The following MYO1G variants were observed in gnomAD, a reference collection of about 807,000 sequenced individuals.
MYO1G encodes the protein unconventional myosin-Ig.
MYO1G carries 65 observed loss-of-function variants against 115.3 expected under a neutral mutation model. The observed-to-expected ratio is 0.56, with a 90% CI of 0.46 to 0.69. MYO1G has a LOEUF of 0.69. Ranked by LOEUF, MYO1G falls within the 30% of genes least tolerant of loss-of-function variation. MYO1G has a pLI of 0.00. For missense variants in MYO1G, 1,204 were observed against 1,393.5 expected, an observed-to-expected ratio of 0.86 and a Z score of 2.16; for synonymous variants, 510 against 552.6, an observed-to-expected ratio of 0.92 and a Z score of 1.08.
Position 44,962,929 on chromosome 7 carries a change from G to C in MYO1G, c.2901-34C>G. 1 of 1,501,854 alleles carries C rather than the reference G, an allele frequency of 6.7e-7. No individual in the cohort carries two copies. Among genetic ancestry groups the C allele is most frequent in the Non-Finnish European group, 8.9e-7 (1 of 1,128,388 alleles). 93.0% of individuals were successfully genotyped at this position (1,501,854 alleles called of 1,614,324 possible). On this transcript the variant is annotated intron_variant, in intron 21 of 21. Coordinates refer to ENST00000258787, the MANE Select transcript of MYO1G (RefSeq NM_033054.3). This position sits in a 1 kb window ranked among gnomAD's most constrained non-coding sequence, Gnocchi z 5.3. ...GGAGGAGGGGTCAGGGCGGCCACGCGGCCGGGGCTTCGTGCCCGCTACCGC... is the reference window on the plus strand; with the variant it reads ...GGAGGAGGGGTCAGGGCGGCCACGCCGCCGGGGCTTCGTGCCCGCTACCGC...
rs1200706039 is a variant in MYO1G, at chr7:44,969,504, C to G, written c.1504-21G>C. Reference sequence around the variant, plus strand: ...CAGAGCTATGGGGACAGGCTGAGGTCAAGGCACAAAAGGTATGTGGAGGGT... The same window carrying G: ...CAGAGCTATGGGGACAGGCTGAGGTGAAGGCACAAAAGGTATGTGGAGGGT... On this transcript the variant is annotated intron_variant, in intron 11 of 21. Coordinates refer to ENST00000258787, the MANE Select transcript of MYO1G (RefSeq NM_033054.3). The surrounding 1 kb of genome is among the most constrained non-coding windows in gnomAD (Gnocchi z 5.0). 1 of 1,613,450 alleles carries G rather than the reference C, an allele frequency of 6.2e-7. No individual in the cohort carries two copies. The highest frequency in any genetic ancestry group is 1.7e-5 in the Admixed American group (1 of 60,014).
intron 17 of MYO1G, among the ~76,000 whole-genome samples, chr7:44,965,389 C>A (rs982868473): frequency 6.6e-6 from 1 of 152,252 alleles, no homozygotes; most frequent in Non-Finnish European, 1.5e-5. Flanking sequence ...TACTTCCCAG[C>A]CCTAATGGGC....
chr7:44,965,858 T>C lies in MYO1G; in HGVS notation c.2160A>G (p.Ala720=), dbSNP rs1448782377. The change falls in exon 17 of 22, where the codon GCA becomes GCG. Residue 720 remains alanine (A), a splice_region_variant and synonymous_variant. Coordinates refer to ENST00000258787, the MANE Select transcript of MYO1G (RefSeq NM_033054.3). ...IPIIVLLLQK[A]WRGTLARWRC... is the part of the protein sequence containing the mutation. Reference sequence around the variant, plus strand: ...GCCACCTCGCCAAGGTGCCCCGCCATGCCTGGGTGGGCCAGGTGGGATGGG... The same window carrying C: ...GCCACCTCGCCAAGGTGCCCCGCCACGCCTGGGTGGGCCAGGTGGGATGGG... The C allele has an allele frequency of 2.5e-6, 4 of 1,598,656 alleles. No individual in the cohort carries two copies. Among genetic ancestry groups the C allele is most frequent in the Admixed American group, 3.3e-5 (2 of 60,006 alleles).
Position 44,969,472 on chromosome 7 carries a change from T to G in MYO1G, c.1515A>C (p.Thr505=). Residue 505 remains threonine (T), a synonymous_variant, in exon 12 of 22, where the codon ACA becomes ACC. Transcript: ENST00000258787. This position sits in a 1 kb window ranked among gnomAD's most constrained non-coding sequence, Gnocchi z 5.0. ...LHYTSRQLCP[T]DKTMEFGRDF... is the part of the protein sequence containing the mutation. ...CTCGGCCAAACTCCATGGTCTTGTC[T>G]GTGGGGCAGAGCTATGGGGACAGGC... The G allele has an allele frequency of 6.2e-7, 1 of 1,613,938 alleles. No homozygotes were observed. The highest frequency in any genetic ancestry group is 1.1e-5 in the South Asian group (1 of 91,088).
intron 16 of MYO1G, 97 bp downstream of exon 16, chr7:44,965,976 A>G (rs1583785264): frequency 3.9e-6 from 6 of 1,548,762 alleles, no homozygotes; most frequent in Middle Eastern, 2.1e-4. Flanking sequence ...TCCATCAAGC[A>G]GAGACTCCTG....
chr7:44,966,852 G>A lies in MYO1G; in HGVS notation c.1783-14C>T. ...GTAGAAGGGCTCCTGCAGGGACAGA[G>A]GGGACTTGGAGAGGGTCTGCGCCAG... On this transcript the variant is annotated splice_polypyrimidine_tract_variant and intron_variant, in intron 14 of 21. Transcript: ENST00000258787. This position sits in a 1 kb window ranked among gnomAD's most constrained non-coding sequence, Gnocchi z 5.0. The A allele has an allele frequency of 1.3e-6, 2 of 1,593,704 alleles. No homozygotes were observed. Among genetic ancestry groups the A allele is most frequent in the Non-Finnish European group, 1.7e-6 (2 of 1,168,696 alleles).
intron 3 of MYO1G, 128 bp from the exon 4 acceptor site, chr7:44,975,777 G>A: frequency 9.3e-7 from 1 of 1,079,504 alleles, no homozygotes. Flanking sequence ...TTGCTGAGAG[G>A]GAACCAATGG....
chr7:44,977,731 C>T (rs1462147866), intron 1 of MYO1G, among the ~76,000 whole-genome samples: 2 of 152,174 alleles, frequency 1.3e-5, no homozygotes, highest in Non-Finnish European at 2.9e-5. Context: ...CCTTTCTGCC[C>T]CTGGGAGGAG....
Position 44,975,433 on chromosome 7 carries a change from TGGGTCTCGGCCA to T in MYO1G, c.564+39_564+50del, listed in dbSNP as rs781472364. ...GATGGGTACCTTCCCAGGCCTGGGA[TGGGTCTCGGCCA>T]GGGCTCCCCATGGAGGTCTCCTCAG... On this transcript the variant is annotated intron_variant, in intron 4 of 21. Transcript: ENST00000258787. 12 of 1,573,820 alleles carry T rather than the reference TGGGTCTCGGCCA, an allele frequency of 7.6e-6. No homozygotes were observed. In the South Asian group the frequency reaches 1.4e-4, roughly 18 times the overall value.
chr7:44,977,272 C>G (rs1302783192), intron 1 of MYO1G, among the ~76,000 whole-genome samples: 2 of 152,234 alleles, frequency 1.3e-5, no homozygotes, highest in Admixed American at 1.3e-4. Flanking sequence ...CACTCAGAGA[C>G]TGTCTCCATT....
At chr7:44,975,074 G>A in intron 5 of MYO1G, 100 bp downstream of exon 5, 1 of 1,251,032 alleles carries the variant, frequency 8.0e-7, no homozygotes, top group Non-Finnish European at 1.2e-6. Flanking sequence ...GGCAGAGAGG[G>A]GGAATTGGGG....
intron 12 of MYO1G, among the ~76,000 whole-genome samples, chr7:44,968,234 C>T (rs1374431991): frequency 6.6e-6 from 1 of 152,228 alleles, no homozygotes; most frequent in Non-Finnish European, 1.5e-5. Flanking sequence ...AGCACCGAGT[C>T]CTGCTTCTAC....
Position 44,969,697 on chromosome 7 carries a change from G to A in MYO1G, c.1503+8C>T, listed in dbSNP as rs377487891. 1.2e-5 allele frequency: 20 copies of A among 1,609,872 alleles called. No individual in the cohort carries two copies. The highest frequency in any genetic ancestry group is 2.1e-4 in the Middle Eastern group (1 of 4,714). ...CCACTGTGGTGGCACTGGGACAGCC[G>A]GGGGCACCTGGCGGCTGGTGTAGTG... is the stretch of plus-strand genomic sequence containing the variant. On this transcript the variant is annotated splice_region_variant and intron_variant, in intron 11 of 21. Transcript: ENST00000258787. The surrounding 1 kb of genome is among the most constrained non-coding windows in gnomAD (Gnocchi z 5.0).
chr7:44,970,908 G>C lies in MYO1G; in HGVS notation c.998C>G (p.Ser333Trp). The C allele has an allele frequency of 6.2e-7, 1 of 1,613,488 alleles. No homozygotes were observed. Among genetic ancestry groups the C allele is most frequent in the Non-Finnish European group, 8.5e-7 (1 of 1,180,012 alleles). The change falls in exon 8 of 22, where the codon TCG becomes TGG. Residue 333 changes from serine to tryptophan, a missense_variant. By Grantham distance (177) the Ser-to-Trp change is radical. Coordinates refer to ENST00000258787, the MANE Select transcript of MYO1G (RefSeq NM_033054.3). The part of the protein sequence containing the change: ...LRSLLARTVA[S>W]GGRELIEKGH... ...CTTCTCTATGAGTTCCCTGCCTCCC[G>C]AGGCAACTGTGCGAGCCAGCAGGGA... is the stretch of plus-strand genomic sequence containing the variant.
rs1381701299 is a variant in MYO1G, at chr7:44,972,171, G to A, written c.673C>T (p.Pro225Ser). ...TGGTGTGTGAAATTGTATACAGCAGGGTTTCTCTCCAAGTGCAGTTCATGC... is the reference window on the plus strand; with the variant it reads ...TGGTGTGTGAAATTGTATACAGCAGAGTTTCTCTCCAAGTGCAGTTCATGC... ...QLHELHLERN[P>S]AVYNFTHQGA... The change falls in exon 6 of 22, where the codon CCT becomes TCT. Residue 225 changes from proline to serine, a missense_variant. Coordinates refer to ENST00000258787, the MANE Select transcript of MYO1G (RefSeq NM_033054.3). 1.2e-6 allele frequency: 2 copies of A among 1,613,974 alleles called. No individual in the cohort carries two copies. Among genetic ancestry groups the A allele is most frequent in the East Asian group, 2.2e-5 (1 of 44,898 alleles).
intron 3 of MYO1G, 77 bp from the exon 4 acceptor site, chr7:44,975,726 C>T: frequency 7.1e-7 from 1 of 1,418,062 alleles, no homozygotes; most frequent in South Asian, 1.6e-5. Flanking sequence ...CTGAGTCTTC[C>T]CAACAGAAAT....
chr7:44,977,120 C>T, intron 1 of MYO1G, 49 bp from the exon 2 acceptor site: 2 of 1,578,352 alleles, frequency 1.3e-6, no homozygotes, highest in Non-Finnish European at 8.6e-7. Flanking sequence ...TACAGGCACC[C>T]ACAGGCCTTT....
intron 17 of MYO1G, 22 bp from the exon 18 acceptor site, chr7:44,965,111 G>C: frequency 1.3e-6 from 2 of 1,592,040 alleles, no homozygotes; most frequent in Non-Finnish European, 1.7e-6. Context: ...CATGTAGTCA[G>C]ACAGATGCTG....
intron 17 of MYO1G, 90 bp from the exon 18 acceptor site, chr7:44,965,179 C>G (rs1411511089): frequency 1.3e-5 from 20 of 1,504,402 alleles, no homozygotes; most frequent in Non-Finnish European, 1.8e-5. Context: ...GAGCCCTCAG[C>G]CTGGTGCTGC....
Sources: gnomAD v4.1 joint callset for allele counts (sites outside exome capture counted in the v4.1 genomes callset) on GRCh38, gnomAD v4.1.1 for gene constraint, Gnocchi (gnomAD v3.1) non-coding constraint, MANE v1.5 for transcripts, NCBI Gene and HGNC (gene_info 2026-07-23, HGNC 2026-07-21) for gene names.